Variants in SLC24A2 observed in about 807,000 individuals in gnomAD.
SLC24A2 encodes the protein sodium/potassium/calcium exchanger 2.
In SLC24A2, 36 loss-of-function variants were observed where a neutral mutation model predicts 62.0. That is an observed-to-expected ratio of 0.58 (90% CI 0.44 to 0.77). The LOEUF (loss-of-function observed/expected upper bound fraction) is 0.77, where lower values mean the gene tolerates loss of function less well. Among genes scored for constraint, SLC24A2 ranks in the 30% least tolerant of loss-of-function variants. The pLI is 0.00. For missense variants in SLC24A2, 846 were observed against 817.9 expected (o/e 1.03, Z -0.42); for synonymous variants, 358 against 294.0 (o/e 1.22, Z -2.23).
At chr9:20,270,671 T>C in the SLC24A2 span, among the ~76,000 whole-genome samples, 2 of 152,214 alleles carry the variant, frequency 1.3e-5, no homozygotes, top group African/African-American at 4.8e-5. Context: ...ATTCATTCAT[T>C]CAACAAATAT....
chr9:19,605,899 C>A (rs1008354586), intron 4 of SLC24A2, among the ~76,000 whole-genome samples: 1 of 152,224 alleles, frequency 6.6e-6, no homozygotes, highest in Non-Finnish European at 1.5e-5. Context: ...AGAGGCAGAA[C>A]TGGGGTTCAA....
At chr9:20,169,830 G>A in the SLC24A2 span, among the ~76,000 whole-genome samples, 1 of 151,826 alleles carries the variant, frequency 6.6e-6, no homozygotes, top group Non-Finnish European at 1.5e-5. Context: ...AAACCAAGAA[G>A]AAATCCCTGA....
intron 8 of SLC24A2, among the ~76,000 whole-genome samples, chr9:19,540,358 C>G (rs1834189894): frequency 6.9e-6 from 1 of 145,130 alleles, no homozygotes; most frequent in South Asian, 2.2e-4. Context: ...TGTTCCTTTC[C>G]ATGTTTAGTG....
rs139390398 is a variant in SLC24A2, at chr9:19,759,524, T to C, written c.930+26413A>G. Among the ~76,000 whole-genome samples the C allele has an allele frequency of 6.4e-3, 979 of 152,306 alleles. 10 individuals are homozygous for C. The highest frequency in any genetic ancestry group is 0.022 in the African/African-American group (930 of 41,564). The stretch of plus-strand genomic sequence containing the variant: ...TCACAAAACAGTGTTTGGAGGAAAA[T>C]GGCAGCATTGCAGCCATATGGACAC... On this transcript the variant is annotated intron_variant, in intron 2 of 10. Coordinates refer to ENST00000341998, the MANE Select transcript of SLC24A2 (RefSeq NM_020344.4).
the SLC24A2 span, among the ~76,000 whole-genome samples, chr9:20,144,190 C>G: frequency 6.6e-6 from 1 of 152,198 alleles, no homozygotes; most frequent in East Asian, 1.9e-4. Flanking sequence ...AAACCCAACT[C>G]TCTGAGGCTT....
rs1309370390 is a variant in SLC24A2, at chr9:19,647,048, CCACACACACACACACGCGCGCACACACA to C, written c.931-24777_931-24750del. The stretch of plus-strand genomic sequence containing the variant: ...ATTAATTTCCTTTCTCTCTCTCTTT[CCACACACACACACACGCGCGCACACACA>C]CACACACACACACACACACACACAC... On this transcript the variant is annotated intron_variant, in intron 2 of 10. Coordinates refer to ENST00000341998, the MANE Select transcript of SLC24A2 (RefSeq NM_020344.4). Among the ~76,000 whole-genome samples, 231 of 122,078 alleles carry C rather than the reference CCACACACACACACACGCGCGCACACACA, an allele frequency of 1.9e-3. 1 individual carries two copies. Among genetic ancestry groups the C allele is most frequent in the Admixed American group, 1.2e-3 (12 of 10,358 alleles). 80.1% of individuals were successfully genotyped at this position (122,078 alleles called of 152,430 possible).
In SLC24A2 at chr9:19,672,790, A is replaced by C. The variant is rs368816860; in HGVS notation, c.931-50491T>G. On this transcript the variant is annotated intron_variant, in intron 2 of 10. Coordinates refer to ENST00000341998, the MANE Select transcript of SLC24A2 (RefSeq NM_020344.4). ...AATATCCATCTTGATTTCATTGTTGACCCAATGATCATTCAGGAGCAAGTT... is the reference window on the plus strand; with the variant it reads ...AATATCCATCTTGATTTCATTGTTGCCCCAATGATCATTCAGGAGCAAGTT... Among the ~76,000 whole-genome samples, 6 of 146,488 alleles carry C rather than the reference A, an allele frequency of 4.1e-5. No homozygotes were observed. In the East Asian group the frequency reaches 1.2e-3, roughly 28 times the overall value.
chr9:19,669,840 C>A (rs1379268582), intron 2 of SLC24A2, among the ~76,000 whole-genome samples: 2 of 152,216 alleles, frequency 1.3e-5, no homozygotes, highest in Non-Finnish European at 2.9e-5. Context: ...TATCTGCAAT[C>A]TTAATTCCCT....
chr9:19,553,910 C>G (rs1289252859), intron 7 of SLC24A2, among the ~76,000 whole-genome samples: 1 of 152,184 alleles, frequency 6.6e-6, no homozygotes, highest in African/African-American at 2.4e-5. Context: ...TCTATTCTGC[C>G]TATTATGGAC....
At chr9:19,906,041 A>G in the SLC24A2 span, among the ~76,000 whole-genome samples, 7,069 of 152,232 alleles carry the variant, frequency 0.046, 283 homozygotes, top group East Asian at 0.21. Flanking sequence ...TCAGCACCAC[A>G]CCACACCTAT....
At chr9:19,687,162 A>T (rs1429151926) in intron 2 of SLC24A2, among the ~76,000 whole-genome samples, 1 of 152,106 alleles carries the variant, frequency 6.6e-6, no homozygotes, top group Non-Finnish European at 1.5e-5. Flanking sequence ...GAGGATCAAA[A>T]AGCTACCTAT....
intron 9 of SLC24A2, among the ~76,000 whole-genome samples, chr9:19,526,615 A>G (rs1833457434): frequency 6.6e-6 from 1 of 152,174 alleles, no homozygotes; most frequent in African/African-American, 2.4e-5. Context: ...TGTTGAGCAT[A>G]TTTTCTTGTG....
chr9:19,700,366 A>C (rs1466023621), intron 2 of SLC24A2, among the ~76,000 whole-genome samples: 1 of 152,166 alleles, frequency 6.6e-6, no homozygotes, highest in Non-Finnish European at 1.5e-5. Context: ...TCTTACTCTG[A>C]AACAAGGATT....
At chr9:20,202,436 G>A in the SLC24A2 span, among the ~76,000 whole-genome samples, 2 of 152,272 alleles carry the variant, frequency 1.3e-5, no homozygotes, top group African/African-American at 4.8e-5. Context: ...TTCGACAGGC[G>A]CATTTGTGTT....
chr9:19,576,059 A>T (rs1836000260), intron 6 of SLC24A2, among the ~76,000 whole-genome samples: 1 of 152,208 alleles, frequency 6.6e-6, no homozygotes, highest in South Asian at 2.1e-4. Flanking sequence ...TTCGTATCTA[A>T]TTGCATCTTA....
At chr9:19,564,037 TAG>T (rs951914234) in intron 7 of SLC24A2, among the ~76,000 whole-genome samples, 7 of 151,838 alleles carry the variant, frequency 4.6e-5, no homozygotes, top group African/African-American at 1.4e-4. Flanking sequence ...GTATTTTTGG[TAG>T]AGAGAGTGTT....
chr9:20,095,628 C>T, the SLC24A2 span, among the ~76,000 whole-genome samples: 1 of 152,148 alleles, frequency 6.6e-6, no homozygotes, highest in Non-Finnish European at 1.5e-5. Flanking sequence ...CTGACTCACT[C>T]TGCAGACCTT....
chr9:20,220,781 A>G, the SLC24A2 span, among the ~76,000 whole-genome samples: 1 of 152,116 alleles, frequency 6.6e-6, no homozygotes, highest in South Asian at 2.1e-4. Flanking sequence ...CTGATTCTCT[A>G]CAGTTCTTCT....
chr9:19,879,877 C>T, the SLC24A2 span, among the ~76,000 whole-genome samples: 1 of 151,972 alleles, frequency 6.6e-6, no homozygotes, highest in Non-Finnish European at 1.5e-5. Flanking sequence ...TTTATAATTA[C>T]CTTGATCCCC....
Sources: gnomAD v4.1 joint callset for allele counts (sites outside exome capture counted in the v4.1 genomes callset) on GRCh38, gnomAD v4.1.1 for gene constraint, MANE v1.5 for transcripts, NCBI Gene and HGNC (gene_info 2026-07-23, HGNC 2026-07-21) for gene names.